Variants in LRRC63 observed in about 807,000 individuals in gnomAD.
LRRC63 encodes the protein leucine rich repeat containing 63.
Under a neutral mutation model 49.5 loss-of-function variants are expected in LRRC63, and 40 were observed. That is an observed-to-expected ratio of 0.81 (90% CI 0.63 to 1.05). The LOEUF (loss-of-function observed/expected upper bound fraction) is 1.05, where lower values mean the gene tolerates loss of function less well. Among genes scored for constraint, LRRC63 ranks in the 50% least tolerant of loss-of-function variants. The pLI, the probability that LRRC63 is intolerant of heterozygous loss-of-function variation, is 0.00. For missense variants in LRRC63, 636 were observed against 663.1 expected, an observed-to-expected ratio of 0.96 and a Z score of 0.45; for synonymous variants, 191 against 221.1, an observed-to-expected ratio of 0.86 and a Z score of 1.21.
At chr13:46,237,771 G>A (rs1352589523) in intron 5 of LRRC63, among the ~76,000 whole-genome samples, 1 of 151,918 alleles carries the variant, frequency 6.6e-6, no homozygotes, top group Non-Finnish European at 1.5e-5. Flanking sequence ...TATTACAACT[G>A]GCCTTACAAA....
chr13:46,235,084 C>T lies in LRRC63; in HGVS notation c.990+735C>T, dbSNP rs188499703. Among the ~76,000 whole-genome samples the T allele has an allele frequency of 7.9e-5, 12 of 152,084 alleles. No homozygotes were observed. The East Asian group carries it at 2.1e-3, about 27-fold the overall frequency. On this transcript the variant is annotated intron_variant, in intron 5 of 9. Transcript: ENST00000595396. ...GGGCTAGAAACATTCTTAGAAAAGA[C>T]CTGAGAAGACCCTAAGCTTTCACAT...
chr13:46,254,727 G>A (rs1415048485), intron 7 of LRRC63, among the ~76,000 whole-genome samples: 2 of 152,186 alleles, frequency 1.3e-5, no homozygotes, highest in African/African-American at 4.8e-5. Context: ...CAGAGCACAG[G>A]AAAGTGAATG....
intron 9 of LRRC63, among the ~76,000 whole-genome samples, chr13:46,272,363 A>T (rs891140687): frequency 1.3e-5 from 2 of 152,262 alleles, no homozygotes; most frequent in Admixed American, 6.5e-5. Flanking sequence ...ATGAATGACG[A>T]TATACAGATA....
chr13:46,260,323 T>C (rs530625464), intron 7 of LRRC63, among the ~76,000 whole-genome samples: 1 of 152,348 alleles, frequency 6.6e-6, no homozygotes, highest in Admixed American at 6.5e-5. Context: ...ACAGAGATGA[T>C]AAGAAGTCAG....
intron 7 of LRRC63, among the ~76,000 whole-genome samples, chr13:46,258,278 C>T (rs1052437129): frequency 1.3e-4 from 19 of 151,064 alleles, no homozygotes; most frequent in East Asian, 8.0e-4. Flanking sequence ...TACAGGCATG[C>T]GCCACCATGC....
intron 2 of LRRC63, among the ~76,000 whole-genome samples, chr13:46,214,774 A>T (rs1247191960): frequency 6.6e-6 from 1 of 151,884 alleles, no homozygotes; most frequent in Non-Finnish European, 1.5e-5. Flanking sequence ...CCCTCCACCC[A>T]CTAACAGGCC....
intron 5 of LRRC63, 117 bp from the exon 6 acceptor site, chr13:46,246,410 A>G: frequency 2.2e-6 from 1 of 460,456 alleles, no homozygotes; most frequent in Non-Finnish European, 3.8e-6. Context: ...TAGGCTTGTT[A>G]GTATATTGTG....
intron 7 of LRRC63, among the ~76,000 whole-genome samples, chr13:46,252,211 G>A (rs1018908907): frequency 6.6e-6 from 1 of 152,004 alleles, no homozygotes; most frequent in Admixed American, 6.6e-5. Context: ...ATACAGTGAA[G>A]AATGAAGGTG....
chr13:46,234,450 T>A (rs2046850867), intron 5 of LRRC63, 101 bp downstream of exon 5: 1 of 1,125,264 alleles, frequency 8.9e-7, no homozygotes, highest in South Asian at 1.8e-5. Context: ...TGAGGGGAAT[T>A]TTCCTATTAC....
At chr13:46,252,739 A>G (rs541070289) in intron 7 of LRRC63, among the ~76,000 whole-genome samples, 1 of 152,182 alleles carries the variant, frequency 6.6e-6, no homozygotes, top group African/African-American at 2.4e-5. Flanking sequence ...GATAGGGTGG[A>G]TATTTCTTCA....
chr13:46,234,957 G>T (rs2046865021), intron 5 of LRRC63, among the ~76,000 whole-genome samples: 1 of 152,070 alleles, frequency 6.6e-6, no homozygotes, highest in Admixed American at 6.5e-5. Flanking sequence ...TCATAGAAAA[G>T]TTGTAAAAAT....
intron 2 of LRRC63, among the ~76,000 whole-genome samples, chr13:46,226,082 C>T (rs2046566858): frequency 6.6e-6 from 1 of 151,920 alleles, no homozygotes; most frequent in Non-Finnish European, 1.5e-5. Context: ...CTCCTGGGCT[C>T]ATGGTACCCT....
At chr13:46,222,702 C>T (rs1311430904) in intron 2 of LRRC63, among the ~76,000 whole-genome samples, 1 of 151,718 alleles carries the variant, frequency 6.6e-6, no homozygotes, top group Non-Finnish European at 1.5e-5. Context: ...CCAGCCATCC[C>T]ATTACTGGGT....
chr13:46,270,301 C>A, intron 9 of LRRC63: 1 of 836,670 alleles, frequency 1.2e-6, no homozygotes, highest in Non-Finnish European at 2.1e-6. Context: ...CCAACTGTAG[C>A]AGACTTCAGA....
intron 4 of LRRC63, among the ~76,000 whole-genome samples, chr13:46,232,024 C>A (rs1422356166): frequency 6.6e-6 from 1 of 151,210 alleles, no homozygotes; most frequent in Non-Finnish European, 1.5e-5. Context: ...ACCGTGTTAG[C>A]TAGGATGGTC....
intron 7 of LRRC63, among the ~76,000 whole-genome samples, chr13:46,257,069 G>C (rs1275929417): frequency 1.3e-5 from 2 of 152,090 alleles, no homozygotes; most frequent in African/African-American, 2.4e-5. Context: ...AAATGGAAGG[G>C]GGATGCAGAA....
At chr13:46,253,987 A>G (rs551990300) in intron 7 of LRRC63, among the ~76,000 whole-genome samples, 1 of 152,292 alleles carries the variant, frequency 6.6e-6, no homozygotes, top group South Asian at 2.1e-4. Context: ...AAGAAATTAT[A>G]AAGACTGAGG....
intron 7 of LRRC63, among the ~76,000 whole-genome samples, chr13:46,261,004 T>C (rs1341205724): frequency 6.6e-6 from 1 of 152,012 alleles, no homozygotes; most frequent in Non-Finnish European, 1.5e-5. Flanking sequence ...GAAGGGGGTG[T>C]TTACTAGGGA....
chr13:46,220,875 C>G (rs956772356), intron 2 of LRRC63, among the ~76,000 whole-genome samples: 2 of 152,062 alleles, frequency 1.3e-5, no homozygotes, highest in Admixed American at 1.3e-4. Context: ...GCTCCCGGAC[C>G]CCTTATGCTT....
Sources: allele counts gnomAD v4.1 joint callset (sites outside exome capture counted in the v4.1 genomes callset), GRCh38; gene constraint gnomAD v4.1.1; transcripts MANE v1.5; gene names NCBI Gene and HGNC (gene_info 2026-07-23, HGNC 2026-07-21).